Variants in PMS1 observed in about 807,000 individuals in gnomAD.
The protein encoded by PMS1 is PMS1 homolog 1, mismatch repair system component.
Under a neutral mutation model 93.1 loss-of-function variants are expected in PMS1, and 79 were observed. The observed-to-expected ratio is 0.85, with a 90% CI of 0.71 to 1.02. The LOEUF (loss-of-function observed/expected upper bound fraction) is 1.02, where lower values mean the gene tolerates loss of function less well. PMS1 is among the 50% of genes least tolerant of loss of function. The pLI, the probability that PMS1 is intolerant of heterozygous loss-of-function variation, is 0.00. For missense variants in PMS1, 1,064 were observed against 1,085.3 expected (o/e 0.98, Z 0.28); for synonymous variants, 335 against 363.4 (o/e 0.92, Z 0.89).
chr2:189,836,702 T>G (rs1212295810), intron 5 of PMS1, among the ~76,000 whole-genome samples: 1 of 152,204 alleles, frequency 6.6e-6, no homozygotes, highest in Non-Finnish European at 1.5e-5. Context: ...CTAGCCCAAG[T>G]GTAACTAGTT....
chr2:189,819,678 T>A (rs2051655264), intron 5 of PMS1, among the ~76,000 whole-genome samples: 1 of 152,236 alleles, frequency 6.6e-6, no homozygotes, highest in South Asian at 2.1e-4. Context: ...TTGTCTTCTT[T>A]TGAGGAATGT....
At chr2:189,795,604 A>G (rs767822149) in intron 2 of PMS1, among the ~76,000 whole-genome samples, 165 bp from the exon 3 acceptor site, 82 of 152,366 alleles carry the variant, frequency 5.4e-4, no homozygotes, top group African/African-American at 1.8e-3. Flanking sequence ...CTGTTGCACC[A>G]TAACTAGAAA....
At chr2:189,825,791 A>C (rs1233286) in intron 5 of PMS1, among the ~76,000 whole-genome samples, 10,436 of 152,266 alleles carry the variant, frequency 0.069, 719 homozygotes, top group African/African-American at 0.17. Context: ...TCCCACTTCT[A>C]TATCACATGA....
At chr2:189,852,342 T>G (rs1294209389) in intron 6 of PMS1, among the ~76,000 whole-genome samples, 7 of 152,154 alleles carry the variant, frequency 4.6e-5, no homozygotes, top group African/African-American at 1.7e-4. Flanking sequence ...AGAAAAAAGG[T>G]TGAGTATAGA....
At chr2:189,874,128 G>A (rs1459543120) in intron 12 of PMS1, among the ~76,000 whole-genome samples, 4 of 151,636 alleles carry the variant, frequency 2.6e-5, no homozygotes, top group African/African-American at 4.8e-5. Context: ...ACTCTATTAA[G>A]TTTCACATCA....
chr2:189,817,960 G>T (rs2051471981), intron 4 of PMS1, 57 bp from the exon 5 acceptor site: 5 of 1,263,688 alleles, frequency 4.0e-6, no homozygotes, highest in Non-Finnish European at 5.8e-6. Flanking sequence ...ATACGGATTT[G>T]AAGATCTGTG....
At chr2:189,784,873 C>G (rs1335549188) in intron 1 of PMS1, 1 of 152,340 alleles carries the variant, frequency 6.6e-6, no homozygotes, top group Admixed American at 6.5e-5. Flanking sequence ...GCAGATTTAA[C>G]CCATGGCAAC....
chr2:189,829,468 C>T (rs929198835), intron 5 of PMS1, among the ~76,000 whole-genome samples: 3 of 152,126 alleles, frequency 2.0e-5, no homozygotes, highest in Admixed American at 6.5e-5. Flanking sequence ...GTCCTTGGTT[C>T]TCTCCTTACC....
intron 3 of PMS1, among the ~76,000 whole-genome samples, chr2:189,805,303 C>T (rs2050234127): frequency 6.6e-6 from 1 of 152,102 alleles, no homozygotes. Context: ...TGGAAATAGT[C>T]TGTTAAAAAG....
intron 12 of PMS1, among the ~76,000 whole-genome samples, chr2:189,876,604 T>C (rs911285608): frequency 1.3e-5 from 2 of 152,102 alleles, no homozygotes; most frequent in African/African-American, 2.4e-5. Flanking sequence ...TTAAGGTTTC[T>C]TATTTATTAA....
chr2:189,803,295 ATG>A (rs2050056683), intron 3 of PMS1, among the ~76,000 whole-genome samples: 3 of 152,184 alleles, frequency 2.0e-5, no homozygotes, highest in African/African-American at 7.2e-5. Context: ...AAGAAAAACT[ATG>A]TTTATCTGAA....
At chr2:189,828,081 G>A (rs557975060) in intron 5 of PMS1, among the ~76,000 whole-genome samples, 40 of 147,084 alleles carry the variant, frequency 2.7e-4, no homozygotes, top group Admixed American at 4.0e-4. Context: ...CTACCACCAC[G>A]CCCGGCTAAT....
chr2:189,816,383 C>T (rs1238460500), intron 4 of PMS1, among the ~76,000 whole-genome samples: 1 of 152,054 alleles, frequency 6.6e-6, no homozygotes, highest in Non-Finnish European at 1.5e-5. Context: ...TGTTTGTCTT[C>T]TAGTGTTATA....
At chr2:189,805,067 GTCT>G (rs926265052) in intron 3 of PMS1, among the ~76,000 whole-genome samples, 4 of 152,040 alleles carry the variant, frequency 2.6e-5, no homozygotes, top group Non-Finnish European at 5.9e-5. Flanking sequence ...TGAATGAAAT[GTCT>G]TCTTCACTTA....
intron 9 of PMS1, among the ~76,000 whole-genome samples, chr2:189,862,564 G>A (rs79400901): frequency 6.6e-6 from 1 of 152,282 alleles, no homozygotes; most frequent in African/African-American, 2.4e-5. Flanking sequence ...CATTGTGGGT[G>A]ATATGTTTAA....
intron 6 of PMS1, 24 bp downstream of exon 6, chr2:189,844,104 A>G: frequency 1.9e-6 from 3 of 1,612,458 alleles, no homozygotes; most frequent in African/African-American, 1.3e-5. Context: ...ACATTCTCAG[A>G]TAATTCTGAT....
chr2:189,829,941 C>T (rs1220469605), intron 5 of PMS1, among the ~76,000 whole-genome samples: 6 of 152,192 alleles, frequency 3.9e-5, no homozygotes, highest in Non-Finnish European at 8.8e-5. Flanking sequence ...ACTTCTTATC[C>T]TCTTCAGTGT....
intron 2 of PMS1, among the ~76,000 whole-genome samples, chr2:189,793,242 C>G (rs11888192): frequency 0.018 from 2,776 of 152,288 alleles, 99 homozygotes; most frequent in African/African-American, 0.063. Flanking sequence ...CTCTCTGTGC[C>G]AGTGGTTCTC....
Position 189,843,960 on chromosome 2 carries a change from C to T in PMS1, c.583-4C>T, listed in dbSNP as rs370725311. 3 of 1,610,988 alleles carry T rather than the reference C, an allele frequency of 1.9e-6. No individual in the cohort carries two copies. The highest frequency in any genetic ancestry group is 2.5e-6 in the Non-Finnish European group (3 of 1,177,462). ...AAAGTTATCTATATCATTTTTGTCC[C>T]TAGGCAGTTATTTGGCAGAAAAGCA... On this transcript the variant is annotated splice_polypyrimidine_tract_variant and splice_region_variant and intron_variant, in intron 5 of 12. Coordinates refer to ENST00000441310, the MANE Select transcript of PMS1 (RefSeq NM_000534.5).
Sources: allele counts gnomAD v4.1 joint callset (sites outside exome capture counted in the v4.1 genomes callset), GRCh38; gene constraint gnomAD v4.1.1; transcripts MANE v1.5; gene names NCBI Gene and HGNC (gene_info 2026-07-23, HGNC 2026-07-21).